Variants in TNFAIP8 observed in about 807,000 individuals in gnomAD.
The protein encoded by TNFAIP8 is tumor necrosis factor alpha-induced protein 8.
TNFAIP8 carries 7 observed loss-of-function variants against 13.3 expected under a neutral mutation model. That is an observed-to-expected ratio of 0.52 (90% CI 0.30 to 0.99). The LOEUF is 0.99. Ranked by LOEUF, TNFAIP8 falls within the 50% of genes least tolerant of loss-of-function variation. The pLI is 0.07. For synonymous variants in TNFAIP8, 94 were observed against 87.6 expected, an observed-to-expected ratio of 1.07 and a Z score of -0.41; for missense variants, 258 against 236.9, an observed-to-expected ratio of 1.09 and a Z score of -0.58.
intron 1 of TNFAIP8, among the ~76,000 whole-genome samples, chr5:119,294,364 A>G (rs184628899): frequency 0.01 from 1,542 of 152,226 alleles, 16 homozygotes; most frequent in African/African-American, 0.035. Context: ...TGTCCCTACA[A>G]AGAACATGAA....
chr5:119,288,256 A>G (rs1748863907), intron 1 of TNFAIP8, among the ~76,000 whole-genome samples: 1 of 152,020 alleles, frequency 6.6e-6, no homozygotes, highest in Admixed American at 6.6e-5. Flanking sequence ...TCATGTTTTT[A>G]TGGACACTTG....
intron 1 of TNFAIP8, among the ~76,000 whole-genome samples, chr5:119,335,108 A>G (rs1750510659): frequency 6.6e-6 from 1 of 151,926 alleles, no homozygotes. Context: ...GAGCTTGTCT[A>G]CTCTGTTCCT....
At chr5:119,357,088 G>C (rs974782748) in intron 1 of TNFAIP8, among the ~76,000 whole-genome samples, 4 of 152,342 alleles carry the variant, frequency 2.6e-5, no homozygotes, top group Middle Eastern at 6.8e-3. Flanking sequence ...CAGTTAGGAA[G>C]AGCCCTTGAA....
At chr5:119,299,946 T>G (rs1749310079) in intron 1 of TNFAIP8, among the ~76,000 whole-genome samples, 1 of 152,226 alleles carries the variant, frequency 6.6e-6, no homozygotes, top group Non-Finnish European at 1.5e-5. Flanking sequence ...GTGCACCGTT[T>G]TTTAGGCCCG....
chr5:119,311,282 C>T (rs578065012), intron 1 of TNFAIP8, among the ~76,000 whole-genome samples: 10 of 152,050 alleles, frequency 6.6e-5, no homozygotes, highest in Non-Finnish European at 1.2e-4. Context: ...CCTTGGCCTC[C>T]CAAAGTGCTG....
chr5:119,383,699 T>A (rs1752570728), intron 1 of TNFAIP8, among the ~76,000 whole-genome samples: 1 of 152,176 alleles, frequency 6.6e-6, no homozygotes. Context: ...ATCTAAGTTG[T>A]CTCTTGGAAG....
chr5:119,371,175 A>G (rs1278900144), intron 1 of TNFAIP8, among the ~76,000 whole-genome samples: 3 of 152,220 alleles, frequency 2.0e-5, no homozygotes, highest in Admixed American at 1.3e-4. Context: ...AACAAGGAAG[A>G]TAAGACAGCA....
chr5:119,351,164 A>T (rs1345751134), upstream of TNFAIP8, among the ~76,000 whole-genome samples: 4 of 151,092 alleles, frequency 2.6e-5, no homozygotes, highest in Non-Finnish European at 5.9e-5. Flanking sequence ...CTAGGACTAC[A>T]GGCATGCACC....
At chr5:119,339,000 T>C (rs1237538744) in intron 1 of TNFAIP8, among the ~76,000 whole-genome samples, 1 of 152,136 alleles carries the variant, frequency 6.6e-6, no homozygotes, top group East Asian at 1.9e-4. Flanking sequence ...TGAGCTATGA[T>C]TGTGCTACTG....
chr5:119,282,039 C>T lies in TNFAIP8; in HGVS notation c.1+13132C>T, dbSNP rs140619766. 2.6e-3 allele frequency among the ~76,000 whole-genome samples: 390 copies of T among 152,342 alleles called. 1 individual carries two copies. The highest frequency in any genetic ancestry group is 9.2e-3 in the African/African-American group (383 of 41,566). ...TGATGATGATCTCAATGTTTTCCTG[C>T]TATACGTGCTACTCTTTTAGCACTT... is the stretch of plus-strand genomic sequence containing the variant. On this transcript the variant is annotated intron_variant, in intron 1 of 1. Coordinates refer to the TNFAIP8 transcript ENST00000274456.
chr5:119,353,883 C>G (rs1294127606), upstream of TNFAIP8, among the ~76,000 whole-genome samples: 2 of 152,180 alleles, frequency 1.3e-5, no homozygotes, highest in African/African-American at 4.8e-5. Flanking sequence ...TAATCATCAC[C>G]TTGAAAAGGT....
chr5:119,312,697 C>T (rs574339790), intron 1 of TNFAIP8, among the ~76,000 whole-genome samples: 1 of 130,670 alleles, frequency 7.7e-6, no homozygotes, highest in East Asian at 2.2e-4. Flanking sequence ...CTCAGGAGTT[C>T]GAGACTACCC....
intron 1 of TNFAIP8, among the ~76,000 whole-genome samples, chr5:119,362,395 G>T (rs1033806310): frequency 6.6e-6 from 1 of 152,146 alleles, no homozygotes; most frequent in Non-Finnish European, 1.5e-5. Context: ...AGGTAACAGA[G>T]ATAAGACCCT....
chr5:119,279,994 C>T (rs979925168), intron 1 of TNFAIP8, among the ~76,000 whole-genome samples: 5 of 152,148 alleles, frequency 3.3e-5, no homozygotes, highest in South Asian at 2.1e-4. Context: ...CAATTTTTTC[C>T]GTCAGTTGGC....
intron 1 of TNFAIP8, among the ~76,000 whole-genome samples, chr5:119,302,810 G>A (rs1470020738): frequency 6.6e-6 from 1 of 152,150 alleles, no homozygotes; most frequent in Non-Finnish European, 1.5e-5. Flanking sequence ...AGATGAAAAG[G>A]AGAATGCTTT....
At chr5:119,384,056 A>T (rs1396508664) in intron 1 of TNFAIP8, among the ~76,000 whole-genome samples, 2 of 152,206 alleles carry the variant, frequency 1.3e-5, no homozygotes, top group African/African-American at 4.8e-5. Context: ...AGTTGGACAT[A>T]TCTGAGTTCA....
At chr5:119,348,036 A>T (rs1365733411) in intron 1 of TNFAIP8, among the ~76,000 whole-genome samples, 1 of 152,248 alleles carries the variant, frequency 6.6e-6, no homozygotes, top group African/African-American at 2.4e-5. Context: ...AATTTTGTTC[A>T]GAAACTTGAA....
chr5:119,308,711 A>G (rs2012594), intron 1 of TNFAIP8, among the ~76,000 whole-genome samples: 20,934 of 151,912 alleles, frequency 0.14, 3,850 homozygotes, highest in African/African-American at 0.42. Context: ...AAACTACAAA[A>G]ATTAGCCAGG....
chr5:119,357,600 A>G (rs1363243004), intron 1 of TNFAIP8, among the ~76,000 whole-genome samples: 1 of 151,884 alleles, frequency 6.6e-6, no homozygotes, highest in African/African-American at 2.4e-5. Context: ...CCATAGCAAC[A>G]TCCACAGTCT....
Sources: gnomAD v4.1 joint callset for allele counts (sites outside exome capture counted in the v4.1 genomes callset) on GRCh38, gnomAD v4.1.1 for gene constraint, MANE v1.5 for transcripts, NCBI Gene and HGNC (gene_info 2026-07-23, HGNC 2026-07-21) for gene names.